The following OPA1 variants were observed in gnomAD, a reference collection of about 807,000 sequenced individuals.
OPA1 encodes the protein OPA1 mitochondrial dynamin like GTPase.
Under a neutral mutation model 152.9 loss-of-function variants are expected in OPA1, and 59 were observed. The ratio of observed to expected loss-of-function variants is 0.39; its 90% CI spans 0.31 to 0.48. The LOEUF is 0.48. Ranked by LOEUF, OPA1 falls within the 20% of genes least tolerant of loss-of-function variation. The pLI is 0.96. For synonymous variants in OPA1, 400 were observed against 389.9 expected, an observed-to-expected ratio of 1.03 and a Z score of -0.31; for missense variants, 1,008 against 1,216.8, an observed-to-expected ratio of 0.83 and a Z score of 2.55.
chr3:193,649,476 G>C (rs1183413636), intron 21 of OPA1, among the ~76,000 whole-genome samples: 2 of 152,138 alleles, frequency 1.3e-5, no homozygotes, highest in Non-Finnish European at 2.9e-5. Context: ...TGTATAAATA[G>C]CCTTGACATT....
At chr3:193,616,104 C>G (rs145726313) in intron 3 of OPA1, among the ~76,000 whole-genome samples, 37 of 152,336 alleles carry the variant, frequency 2.4e-4, no homozygotes, top group Admixed American at 3.9e-4. Context: ...CAGCCCTGAA[C>G]TGGCTAAAGT....
chr3:193,626,075 T>A lies in OPA1; in HGVS notation c.679-17T>A. 1 of 1,593,900 alleles carries A rather than the reference T, an allele frequency of 6.3e-7. No homozygotes were observed. Among genetic ancestry groups the A allele is most frequent in the Non-Finnish European group, 8.6e-7 (1 of 1,161,568 alleles). On this transcript the variant is annotated splice_polypyrimidine_tract_variant and intron_variant, in intron 6 of 30. Coordinates refer to ENST00000361510, the MANE Select transcript of OPA1 (RefSeq NM_130837.3). ...CCTCCCCAATTTCCTCTTCTCCTCATTGTGAACTCGTGGCAGGGTCTGCTT... is the reference window on the plus strand; with the variant it reads ...CCTCCCCAATTTCCTCTTCTCCTCAATGTGAACTCGTGGCAGGGTCTGCTT...
At chr3:193,691,139 T>C (rs2109454571) in intron 29 of OPA1, among the ~76,000 whole-genome samples, 1 of 152,336 alleles carries the variant, frequency 6.6e-6, no homozygotes, top group Admixed American at 6.5e-5. Context: ...GAGGATCACC[T>C]GAGCTCAGGA....
At chr3:193,664,789 T>C (rs1007826105) in intron 26 of OPA1, 91 bp from the exon 27 acceptor site, 2 of 776,222 alleles carry the variant, frequency 2.6e-6, no homozygotes. Context: ...TTAACTTTTT[T>C]GGTAAATATA....
intron 1 of OPA1, among the ~76,000 whole-genome samples, chr3:193,594,312 T>C (rs1303085636): frequency 2.0e-5 from 3 of 152,362 alleles, no homozygotes; most frequent in East Asian, 3.9e-4. Flanking sequence ...AGCAGTTGTT[T>C]TGAATTTTTT....
In OPA1 at chr3:193,631,671, C is replaced by T; in HGVS notation, c.843+6C>T. The T allele has an allele frequency of 6.2e-7, 1 of 1,607,366 alleles. No homozygotes were observed. Among genetic ancestry groups the T allele is most frequent in the African/African-American group, 1.3e-5 (1 of 74,868 alleles). ...AAGAACTTCTGCACACTCAGGTAAT[C>T]ATGATGACTAAGAAAAACTAGGGAC... On this transcript the variant is annotated splice_donor_region_variant and intron_variant, in intron 8 of 30. Coordinates refer to ENST00000361510, the MANE Select transcript of OPA1 (RefSeq NM_130837.3).
At chr3:193,662,003 A>G (rs80253104) in intron 25 of OPA1, among the ~76,000 whole-genome samples, 3,894 of 152,184 alleles carry the variant, frequency 0.026, 53 homozygotes, top group Non-Finnish European at 0.03. Context: ...TAGCTGTGAT[A>G]GAGTTTGGGG....
chr3:193,659,975 C>T (rs967071088), intron 25 of OPA1, among the ~76,000 whole-genome samples: 3 of 152,016 alleles, frequency 2.0e-5, no homozygotes, highest in Non-Finnish European at 4.4e-5. Flanking sequence ...GCAAGACCTC[C>T]TCTTTACTAA....
chr3:193,619,229 C>G (rs1729596135), intron 6 of OPA1, among the ~76,000 whole-genome samples: 1 of 152,160 alleles, frequency 6.6e-6, no homozygotes. Flanking sequence ...CTCGTTTAGA[C>G]AAGGCAAGCG....
At chr3:193,689,082 A>C (rs2109441716) in intron 29 of OPA1, 1 of 152,322 alleles carries the variant, frequency 6.6e-6, no homozygotes, top group African/African-American at 2.4e-5. Flanking sequence ...TGATACCTGC[A>C]AGGTTGTATG....
At chr3:193,678,450 T>C (rs1719547941) in intron 29 of OPA1, among the ~76,000 whole-genome samples, 1 of 152,218 alleles carries the variant, frequency 6.6e-6, no homozygotes, top group Non-Finnish European at 1.5e-5. Context: ...AAGACACTTT[T>C]GAATGTGGTC....
At chr3:193,676,030 A>G (rs1718920015) in intron 29 of OPA1, among the ~76,000 whole-genome samples, 2 of 152,294 alleles carry the variant, frequency 1.3e-5, no homozygotes, top group South Asian at 4.1e-4. Flanking sequence ...CCTTCCTAAT[A>G]TCGTGCAGTC....
chr3:193,693,162 A>G (rs1377723867), intron 30 of OPA1, among the ~76,000 whole-genome samples: 1 of 152,236 alleles, frequency 6.6e-6, no homozygotes, highest in Non-Finnish European at 1.5e-5. Flanking sequence ...CAGTTCAGAA[A>G]AGGCTCTTAA....
intron 21 of OPA1, among the ~76,000 whole-genome samples, chr3:193,649,518 C>T (rs1483583852): frequency 2.0e-5 from 3 of 152,124 alleles, no homozygotes; most frequent in South Asian, 2.1e-4. Flanking sequence ...ACAAATTCCT[C>T]ATGCAGAAAT....
chr3:193,640,033 G>A (rs914174458), intron 11 of OPA1, among the ~76,000 whole-genome samples: 1 of 152,152 alleles, frequency 6.6e-6, no homozygotes, highest in Non-Finnish European at 1.5e-5. Context: ...AGTGGATCAG[G>A]TTTGGGGGAA....
chr3:193,614,252 G>C (rs999461910), intron 1 of OPA1, among the ~76,000 whole-genome samples: 4 of 152,190 alleles, frequency 2.6e-5, no homozygotes, highest in Non-Finnish European at 5.9e-5. Context: ...TTTTGTTTTT[G>C]AAAGCAAAAG....
intron 1 of OPA1, among the ~76,000 whole-genome samples, chr3:193,608,333 G>A (rs1489272595): frequency 6.6e-6 from 1 of 152,016 alleles, no homozygotes; most frequent in Non-Finnish European, 1.5e-5. Context: ...TTCTCTTGTG[G>A]GCATTTAGTG....
rs745405591 is a variant in OPA1 at position 193,618,869 on chromosome 3, G to C, written c.611G>C (p.Gly204Ala). The change falls in exon 6 of 31, where the codon GGT (glycine) becomes GCT (alanine). Residue 204 changes from glycine (G) to alanine (A), a missense_variant and splice_region_variant. This residue lies in a region of OPA1 where 408 missense variants were observed against 395.1 expected (regional missense o/e 1.03). Coordinates refer to ENST00000361510, the MANE Select transcript of OPA1 (RefSeq NM_130837.3). ...AAAGGGTTGCATATTTATCTTTAAG[G>C]TTCTCCGGAAGAAACGGCGTTTAGA... The part of the protein sequence containing the change: ...IGASDLLLLL[G>A]SPEETAFRAT... 1 of 1,612,730 alleles carries C rather than the reference G, an allele frequency of 6.2e-7. No homozygotes were observed. The highest frequency in any genetic ancestry group is 1.1e-5 in the South Asian group (1 of 91,062).
intron 29 of OPA1, among the ~76,000 whole-genome samples, chr3:193,671,172 A>G (rs1417166824): frequency 6.6e-6 from 1 of 152,234 alleles, no homozygotes; most frequent in Non-Finnish European, 1.5e-5. Context: ...GAGGGAAAAG[A>G]GTAACTTTAC....
Sources: allele counts gnomAD v4.1 joint callset (sites outside exome capture counted in the v4.1 genomes callset), GRCh38; gene constraint gnomAD v4.1.1; regional missense constraint gnomAD v4.1.1; transcripts MANE v1.5; gene names NCBI Gene and HGNC (gene_info 2026-07-23, HGNC 2026-07-21).